The following CDKN1C variants were observed in gnomAD, a reference collection of about 807,000 sequenced individuals.
CDKN1C encodes the protein cyclin-dependent kinase inhibitor 1C.
Under a neutral mutation model 16.5 loss-of-function variants are expected in CDKN1C, and 7 were observed. The ratio of observed to expected loss-of-function variants is 0.42; its 90% CI spans 0.24 to 0.80. The LOEUF (loss-of-function observed/expected upper bound fraction) is 0.80, where lower values mean the gene tolerates loss of function less well. CDKN1C is among the 30% of genes least tolerant of loss of function. The pLI is 0.26. For synonymous variants in CDKN1C, 288 were observed against 214.4 expected (o/e 1.34, Z -3.00); for missense variants, 429 against 437.3 (o/e 0.98, Z 0.17).
intron 1 of CDKN1C, 52 bp from the exon 2 acceptor site, chr11:2,885,518 G>A (rs1848986745): frequency 6.5e-7 from 1 of 1,538,452 alleles, no homozygotes; most frequent in Non-Finnish European, 8.7e-7. Context: ...CGCGGGCAGC[G>A]AGAGAGGAGA....
At chr11:2,884,441 G>A (rs1848901907) in intron 2 of CDKN1C, 2 of 288,016 alleles carry the variant, frequency 6.9e-6, no homozygotes, top group East Asian at 1.1e-4. Context: ...GCGCTCCCGG[G>A]GGGTCGCGGC....
At position 2,885,192 on chromosome 11, in the gene CDKN1C, A is replaced by G; in HGVS notation, c.265T>C (p.Cys89Arg). ...FYRETVQVGR[C>R]RLLLAPRPVA... ...GGCCGCGGCGCCAGCAGCAGGCGGC[A>G]GCGCCCCACCTGCACCGTCTCGCGG... The change falls in exon 2 of 4, where the codon TGC (cysteine) becomes CGC (arginine). Residue 89 changes from cysteine to arginine, a missense_variant. Physicochemically the swap from Cys to Arg is radical, Grantham distance 180. Coordinates refer to ENST00000440480, the MANE Select transcript of CDKN1C (RefSeq NM_001122630.2). 2 of 1,534,246 alleles carry G rather than the reference A, an allele frequency of 1.3e-6. No homozygotes were observed. Among genetic ancestry groups the G allele is most frequent in the Non-Finnish European group, 1.7e-6 (2 of 1,144,538 alleles).
rs1848974723 is a variant in CDKN1C, at chr11:2,885,321, C to T, written c.136G>A (p.Asp46Asn). ...AAGTCGTAATCCCAGCGGTTCTGGT[C>T]CTCGGCGTTCAGCTCGGCCAGGCGG... ...QARLAELNAE[D>N]QNRWDYDFQQ... The change falls in exon 2 of 4, where the codon GAC becomes AAC. Residue 46 changes from aspartate (D) to asparagine (N), a missense_variant. Asp to Asn is a conservative substitution (Grantham distance 23). Coordinates refer to ENST00000440480, the MANE Select transcript of CDKN1C (RefSeq NM_001122630.2). The T allele has an allele frequency of 6.3e-7, 1 of 1,599,712 alleles. No individual in the cohort carries two copies. Among genetic ancestry groups the T allele is most frequent in the South Asian group, 1.1e-5 (1 of 88,924 alleles).
chr11:2,885,265 T>C lies in CDKN1C; in HGVS notation c.192A>G (p.Gly64=), dbSNP rs1848972050. Reference sequence around the variant, plus strand: ...TGTCCACTTCGGTCCACTGCAGGCGTCCAGGGCCCCGCAGCGGCATGTCCT... The same window carrying C: ...TGTCCACTTCGGTCCACTGCAGGCGCCCAGGGCCCCGCAGCGGCATGTCCT... ...FQQDMPLRGP[G]RLQWTEVDSD... Residue 64 remains glycine, a synonymous_variant, in exon 2 of 4, where the codon GGA becomes GGG. Coordinates refer to ENST00000440480, the MANE Select transcript of CDKN1C (RefSeq NM_001122630.2). 2 of 1,575,600 alleles carry C rather than the reference T, an allele frequency of 1.3e-6. No homozygotes were observed. Among genetic ancestry groups the C allele is most frequent in the Non-Finnish European group, 8.6e-7 (1 of 1,162,280 alleles).
chr11:2,885,055 CGCCGGG>C lies in CDKN1C; in HGVS notation c.396_401del (p.Pro133_Ala134del). On this transcript the variant is annotated inframe_deletion, in exon 2 of 4. Transcript: ENST00000440480. ...GGACCGGGACTGGGGGCGGGGTGGACGCCGGGGCCGGGACCGGGACACTAGGCAGCT... is the reference window on the plus strand; with the variant it reads ...GGACCGGGACTGGGGGCGGGGTGGACGCCGGGACCGGGACACTAGGCAGCT... 4 of 1,342,294 alleles carry C rather than the reference CGCCGGG, an allele frequency of 3.0e-6. No individual in the cohort carries two copies. The highest frequency in any genetic ancestry group is 3.1e-5 in the East Asian group (1 of 32,466). The allele number at this position is 1,342,294 out of a possible 1,614,324, so 83.1% of individuals were successfully genotyped here.
chr11:2,884,720 G>A lies in CDKN1C; in HGVS notation c.737C>T (p.Ala246Val). The stretch of plus-strand genomic sequence containing the variant: ...CTTGATCGCCGCGCCGTTGGCGCTG[G>A]CGGCCGCGGTGCCGGCCGCGGGACG... ...SGRPAAGTAA[A>V]SANGAAIKKL... The change falls in exon 2 of 4, where the codon GCC becomes GTC. Residue 246 changes from alanine to valine, a missense_variant. Ala to Val is a moderately conservative substitution (Grantham distance 64). Transcript: ENST00000440480. The A allele has an allele frequency of 6.6e-7, 1 of 1,505,050 alleles. No individual in the cohort carries two copies. The highest frequency in any genetic ancestry group is 1.2e-5 in the South Asian group (1 of 83,456). The allele number at this position is 1,505,050 out of a possible 1,614,324, so 93.2% of individuals were successfully genotyped here.
rs916168172 is a variant in CDKN1C at position 2,883,463 on chromosome 11, C to T, written c.*458G>A. On this transcript the variant is annotated 3_prime_UTR_variant, in exon 4 of 4. Coordinates refer to ENST00000440480, the MANE Select transcript of CDKN1C (RefSeq NM_001122630.2). Reference sequence around the variant, plus strand: ...AAAATAAAGTTACACTTGTCAATAACCAGATGTGGGAGATGGAGAGTGCCT... The same window carrying T: ...AAAATAAAGTTACACTTGTCAATAATCAGATGTGGGAGATGGAGAGTGCCT... 5.2e-6 allele frequency: 1 copy of T among 191,926 alleles called. No homozygotes were observed. The highest frequency in any genetic ancestry group is 2.3e-5 in the African/African-American group (1 of 43,036). The allele number at this position is 191,926 out of a possible 1,614,324, so 11.9% of individuals were successfully genotyped here. A position where few individuals can be genotyped will look rare whatever the true frequency, so the allele number is the denominator to read the frequency against.
At position 2,885,340 on chromosome 11, in the gene CDKN1C, C is replaced by G. The variant is rs1217573321; in HGVS notation, c.117G>C (p.Leu39=). The G allele has an allele frequency of 2.5e-6, 4 of 1,596,936 alleles. No individual in the cohort carries two copies. The Admixed American group carries it at 5.1e-5, about 20-fold the overall frequency. Residue 39 remains leucine, a synonymous_variant, in exon 2 of 4, where the codon CTG becomes CTC. Transcript: ENST00000440480. ...EELSRELQAR[L]AELNAEDQNR... is the part of the protein sequence containing the mutation. The stretch of plus-strand genomic sequence containing the variant: ...TCTGGTCCTCGGCGTTCAGCTCGGC[C>G]AGGCGGGCCTGCAGCTCGCGGCTCA...
rs1380902246 is a variant in CDKN1C at position 2,883,312 on chromosome 11, CTTCAAGT to C, written c.*602_*608del. The C allele has an allele frequency of 6.6e-6, 1 of 152,526 alleles. No individual in the cohort carries two copies. The highest frequency in any genetic ancestry group is 1.5e-5 in the Non-Finnish European group (1 of 68,256). 9.4% of individuals were successfully genotyped at this position (152,526 alleles called of 1,614,324 possible). On this transcript the variant is annotated 3_prime_UTR_variant, in exon 4 of 4. Coordinates refer to ENST00000440480, the MANE Select transcript of CDKN1C (RefSeq NM_001122630.2). ...TCAGGAACCATTTTAACAGACTTGT[CTTCAAGT>C]TTCAGATAAACACAGTCATAATAAG...
At chr11:2,884,488 C>G in intron 2 of CDKN1C, 182 bp downstream of exon 2, 1 of 350,420 alleles carries the variant, frequency 2.9e-6, no homozygotes, top group Non-Finnish European at 5.0e-6. Context: ...CGCGAAGCCG[C>G]TGGAGGGCAC....
chr11:2,885,346 G>C lies in CDKN1C; in HGVS notation c.111C>G (p.Ala37=). The change falls in exon 2 of 4, where the codon GCC becomes GCG. Residue 37 remains alanine, a synonymous_variant. Coordinates refer to ENST00000440480, the MANE Select transcript of CDKN1C (RefSeq NM_001122630.2). ...CCTCGGCGTTCAGCTCGGCCAGGCGGGCCTGCAGCTCGCGGCTCAGCTCCT... is the reference window on the plus strand; with the variant it reads ...CCTCGGCGTTCAGCTCGGCCAGGCGCGCCTGCAGCTCGCGGCTCAGCTCCT... ...DHEELSRELQ[A]RLAELNAEDQ... is the part of the protein sequence containing the mutation. 6.3e-7 allele frequency: 1 copy of C among 1,595,240 alleles called. No homozygotes were observed. The highest frequency in any genetic ancestry group is 8.5e-7 in the Non-Finnish European group (1 of 1,173,110).
At position 2,884,866 on chromosome 11, in the gene CDKN1C, C is replaced by CGGGGCCGGGGCCGGGGCCGGGGCT. The variant is rs878853637; in HGVS notation, c.567_590dup (p.Ala198_Pro205dup). ...CCGGGGCCGGGGCCGGGGCGGGGGC[C>CGGGGCCGGGGCCGGGGCCGGGGCT]GGGGCCGGGGCCGGGGCCGGGGCTG... On this transcript the variant is annotated inframe_insertion, in exon 2 of 4. Transcript: ENST00000440480. The CGGGGCCGGGGCCGGGGCCGGGGCT allele has an allele frequency of 1.3e-6, 1 of 793,608 alleles. No homozygotes were observed. The highest frequency in any genetic ancestry group is 2.0e-5 in the African/African-American group (1 of 50,588). 49.2% of individuals were successfully genotyped at this position (793,608 alleles called of 1,614,324 possible). A position where few individuals can be genotyped will look rare whatever the true frequency, so the allele number is the denominator to read the frequency against.
At position 2,884,999 on chromosome 11, in the gene CDKN1C, G is replaced by A. The variant is rs1315960524; in HGVS notation, c.458C>T (p.Pro153Leu). 7.8e-5 allele frequency: 89 copies of A among 1,144,612 alleles called. No homozygotes were observed. The highest frequency in any genetic ancestry group is 9.4e-5 in the Non-Finnish European group (86 of 912,840). 70.9% of individuals were successfully genotyped at this position (1,144,612 alleles called of 1,614,324 possible). A position where few individuals can be genotyped will look rare whatever the true frequency, so the allele number is the denominator to read the frequency against. The part of the protein sequence containing the change: ...LAPAPAPAPA[P>L]VAAPVAAPVA... ...CGGAGCCGCGACCGGAGCCGCGACC[G>A]GAGCCGGAGCCGGGGCCGGGGCTGG... The change falls in exon 2 of 4, where the codon CCG (proline) becomes CTG (leucine). Residue 153 changes from proline to leucine, a missense_variant. Pro to Leu is a moderately conservative substitution (Grantham distance 98, BLOSUM62 -3). Transcript: ENST00000440480.
Position 2,884,053 on chromosome 11 carries a change from G to A in CDKN1C, c.869C>T (p.Ala290Val). 2 of 1,554,690 alleles carry A rather than the reference G, an allele frequency of 1.3e-6. No homozygotes were observed. The highest frequency in any genetic ancestry group is 1.7e-6 in the Non-Finnish European group (2 of 1,149,600). ...VPAPCPSPSAAPGVGSVEQTP... is the reference protein window; with the variant it reads ...VPAPCPSPSAVPGVGSVEQTP... Reference sequence around the variant, plus strand: ...CTGCTCCACCGAGCCCACGCCAGGGGCGGCGCTTGGAGAGGGACACGGCGC... The same window carrying A: ...CTGCTCCACCGAGCCCACGCCAGGGACGGCGCTTGGAGAGGGACACGGCGC... The change falls in exon 3 of 4, where the codon GCC becomes GTC. Residue 290 changes from alanine (A) to valine (V), a missense_variant. Physicochemically the swap from Ala to Val is moderately conservative, Grantham distance 64. Coordinates refer to ENST00000440480, the MANE Select transcript of CDKN1C (RefSeq NM_001122630.2).
rs1197769841 is a variant in CDKN1C at position 2,885,143 on chromosome 11, C to T, written c.314G>A (p.Ser105Asn). The change falls in exon 2 of 4, where the codon AGC becomes AAC. Residue 105 changes from serine (S) to asparagine (N), a missense_variant. By Grantham distance (46) the Ser-to-Asn change is conservative. Transcript: ENST00000440480. ...PRPVAVAVAV[S>N]PPLEPAAESL... Reference sequence around the variant, plus strand: ...CTCAGCGGCCGGCTCGAGGGGCGGGCTGACAGCCACCGCGACCGCGACGGG... The same window carrying T: ...CTCAGCGGCCGGCTCGAGGGGCGGGTTGACAGCCACCGCGACCGCGACGGG... 6.6e-7 allele frequency: 1 copy of T among 1,512,900 alleles called. No homozygotes were observed. Among genetic ancestry groups the T allele is most frequent in the South Asian group, 1.2e-5 (1 of 80,566 alleles). The allele number at this position is 1,512,900 out of a possible 1,614,324, so 93.7% of individuals were successfully genotyped here.
intron 2 of CDKN1C, 57 bp from the exon 3 acceptor site, chr11:2,884,191 G>C: frequency 8.0e-7 from 1 of 1,256,018 alleles, no homozygotes. Flanking sequence ...AGACCCGAGA[G>C]GGGGCCGGGA....
chr11:2,884,230 T>C, intron 2 of CDKN1C, 96 bp from the exon 3 acceptor site: 1 of 943,700 alleles, frequency 1.1e-6, no homozygotes. Context: ...CCGGCCGGGG[T>C]GGGGGCGCCG....
chr11:2,885,624 C>T lies in CDKN1C; in HGVS notation c.-11+10G>A. The T allele has an allele frequency of 1.8e-6, 2 of 1,123,130 alleles. No individual in the cohort carries two copies. Among genetic ancestry groups the T allele is most frequent in the African/African-American group, 1.5e-5 (1 of 64,612 alleles). 69.6% of individuals were successfully genotyped at this position (1,123,130 alleles called of 1,614,324 possible). ...CCCGACTCTGCGTGTGCGAGGGACG[C>T]GGCGGCTACCTGGCTGTCCGGTGGT... On this transcript the variant is annotated intron_variant, in intron 1 of 3. Coordinates refer to ENST00000440480, the MANE Select transcript of CDKN1C (RefSeq NM_001122630.2).
rs1848877421 is a variant in CDKN1C at position 2,884,055 on chromosome 11, G to A, written c.867C>T (p.Ala289=). Residue 289 remains alanine, a synonymous_variant, in exon 3 of 4, where the codon GCC becomes GCT. Transcript: ENST00000440480. ...GCTCCACCGAGCCCACGCCAGGGGC[G>A]GCGCTTGGAGAGGGACACGGCGCGG... The part of the protein sequence containing the change: ...DVPAPCPSPS[A]APGVGSVEQT... 6.4e-7 allele frequency: 1 copy of A among 1,554,054 alleles called. No homozygotes were observed. Among genetic ancestry groups the A allele is most frequent in the Non-Finnish European group, 8.7e-7 (1 of 1,149,308 alleles).
Sources: gnomAD v4.1 joint callset for allele counts on GRCh38, gnomAD v4.1.1 for gene constraint, MANE v1.5 for transcripts, NCBI Gene and HGNC (gene_info 2026-07-23, HGNC 2026-07-21) for gene names.